The following EIF2B3 variants were observed in gnomAD, a reference collection of about 807,000 sequenced individuals.
EIF2B3 encodes translation initiation factor eIF2B subunit gamma.
In EIF2B3, 20 loss-of-function variants were observed where a neutral mutation model predicts 54.1. That is an observed-to-expected ratio of 0.37 (90% CI 0.26 to 0.54). EIF2B3 has a LOEUF of 0.54. Ranked by LOEUF, EIF2B3 falls within the 20% of genes least tolerant of loss-of-function variation. The pLI, the probability that EIF2B3 is intolerant of heterozygous loss-of-function variation, is 0.86. For missense variants in EIF2B3, 448 were observed against 547.8 expected (o/e 0.82, Z 1.82); for synonymous variants, 153 against 188.1 (o/e 0.81, Z 1.52).
intron 5 of EIF2B3, among the ~76,000 whole-genome samples, chr1:44,912,740 A>G (rs540777073): frequency 6.6e-6 from 1 of 152,352 alleles, no homozygotes; most frequent in South Asian, 2.1e-4. Flanking sequence ...TCTGTTGGAC[A>G]TAACTGTTCA....
chr1:44,857,928 T>C (rs1043097208), intron 10 of EIF2B3, 121 bp from the exon 11 acceptor site: 1 of 876,244 alleles, frequency 1.1e-6, no homozygotes, highest in African/African-American at 1.6e-5. Context: ...AGTTAATGGC[T>C]ACGTGCCTCA....
chr1:44,946,475 T>C (rs1487565679), intron 3 of EIF2B3, among the ~76,000 whole-genome samples: 3 of 148,364 alleles, frequency 2.0e-5, no homozygotes, highest in Non-Finnish European at 3.0e-5. Flanking sequence ...TCTCAGTCTG[T>C]TGCCCAGGCT....
chr1:44,969,760 T>C (rs1644381963), intron 3 of EIF2B3, among the ~76,000 whole-genome samples: 1 of 152,180 alleles, frequency 6.6e-6, no homozygotes, highest in East Asian at 1.9e-4. Flanking sequence ...ATATAAGAAG[T>C]TAAAATATTA....
At chr1:44,907,793 G>A (rs932824501) in intron 5 of EIF2B3, among the ~76,000 whole-genome samples, 3 of 148,876 alleles carry the variant, frequency 2.0e-5, no homozygotes, top group South Asian at 2.1e-4. Flanking sequence ...CGGTGGCTAA[G>A]GCAGGAGAAT....
intron 3 of EIF2B3, among the ~76,000 whole-genome samples, chr1:44,955,853 A>G (rs1644218093): frequency 6.6e-6 from 1 of 152,246 alleles, no homozygotes; most frequent in Admixed American, 6.5e-5. Context: ...TTAAAAAGTC[A>G]GGAAACAACC....
At chr1:44,907,323 G>C (rs1038941682) in intron 5 of EIF2B3, among the ~76,000 whole-genome samples, 1 of 152,138 alleles carries the variant, frequency 6.6e-6, no homozygotes, top group African/African-American at 2.4e-5. Context: ...ACTTTGGGTG[G>C]CCGAGGTGGG....
intron 6 of EIF2B3, among the ~76,000 whole-genome samples, chr1:44,886,144 G>A (rs983716729): frequency 6.7e-6 from 1 of 148,958 alleles, no homozygotes; most frequent in African/African-American, 2.5e-5. Flanking sequence ...CAGTGGCACG[G>A]TCTCGGTTCA....
At chr1:44,925,141 C>T (rs1643826649) in intron 5 of EIF2B3, 1 of 152,086 alleles carries the variant, frequency 6.6e-6, no homozygotes, top group African/African-American at 2.4e-5. Flanking sequence ...AAAAATTAAA[C>T]ATCATAGTTC....
intron 10 of EIF2B3, among the ~76,000 whole-genome samples, chr1:44,861,242 T>C (rs980975125): frequency 6.6e-6 from 1 of 152,304 alleles, no homozygotes. Context: ...GTTCCTGCTT[T>C]TTGGGGGAAA....
At chr1:44,945,410 AG>A (rs1644088868) in intron 3 of EIF2B3, among the ~76,000 whole-genome samples, 1 of 151,642 alleles carries the variant, frequency 6.6e-6, no homozygotes, top group African/African-American at 2.4e-5. Flanking sequence ...AAAAATCAGC[AG>A]GGCGTGGTGG....
At chr1:44,919,211 G>T in intron 5 of EIF2B3, among the ~76,000 whole-genome samples, 1 of 152,050 alleles carries the variant, frequency 6.6e-6, no homozygotes, top group East Asian at 1.9e-4. Flanking sequence ...TTAGCTGGGC[G>T]TGGTGGCACA....
At chr1:44,866,997 T>C (rs550420221) in intron 10 of EIF2B3, among the ~76,000 whole-genome samples, 8 of 152,206 alleles carry the variant, frequency 5.3e-5, no homozygotes, top group Admixed American at 5.2e-4. Context: ...GAAGTAGGAA[T>C]GTAAGGAACC....
chr1:44,940,631 T>C (rs1241113848), intron 4 of EIF2B3: 3 of 151,956 alleles, frequency 2.0e-5, no homozygotes, highest in South Asian at 2.0e-4. Flanking sequence ...ATTAGCTGGG[T>C]GTGGTGGCAT....
intron 10 of EIF2B3, among the ~76,000 whole-genome samples, chr1:44,873,830 A>G (rs1156461499): frequency 6.9e-6 from 1 of 145,782 alleles, no homozygotes; most frequent in Non-Finnish European, 1.5e-5. Context: ...TTGTATTTTT[A>G]GTAGAGATGG....
chr1:44,927,281 T>C (rs1643864041), intron 4 of EIF2B3, among the ~76,000 whole-genome samples: 1 of 152,154 alleles, frequency 6.6e-6, no homozygotes, highest in Admixed American at 6.6e-5. Flanking sequence ...CTGCAGGGTA[T>C]ACAGGAAGCA....
intron 3 of EIF2B3, among the ~76,000 whole-genome samples, chr1:44,950,282 GGCATGGTGGT>G (rs2148947732): frequency 6.6e-6 from 1 of 152,216 alleles, no homozygotes; most frequent in African/African-American, 2.4e-5. Context: ...AAATTAGCCA[GGCATGGTGGT>G]GCATGCCTGT....
intron 3 of EIF2B3, among the ~76,000 whole-genome samples, chr1:44,972,266 CAT>C (rs1225477512): frequency 1.1e-5 from 1 of 92,896 alleles, no homozygotes; most frequent in Non-Finnish European, 2.5e-5. Context: ...CACACACACA[CAT>C]ATACACACAC....
intron 3 of EIF2B3, among the ~76,000 whole-genome samples, chr1:44,977,284 A>C (rs1297608657): frequency 6.6e-6 from 1 of 152,232 alleles, no homozygotes; most frequent in Non-Finnish European, 1.5e-5. Context: ...TAGTTTCTTA[A>C]CCAAAGGTTA....
chr1:44,912,794 A>G lies in EIF2B3; in HGVS notation c.566+13834T>C, dbSNP rs557045360. On this transcript the variant is annotated intron_variant, in intron 5 of 11. Transcript: ENST00000360403. ...TATTGTTTGTTAACCTTTTCCATGC[A>G]TAATTGAATCTTCCACCAAGGCTGA... 3.0e-4 allele frequency among the ~76,000 whole-genome samples: 46 copies of G among 152,312 alleles called. 2 individuals are homozygous for G. The South Asian group carries it at 9.3e-3, about 31-fold the overall frequency.
Sources: allele counts gnomAD v4.1 joint callset (sites outside exome capture counted in the v4.1 genomes callset), GRCh38; gene constraint gnomAD v4.1.1; transcripts MANE v1.5; gene names NCBI Gene and HGNC (gene_info 2026-07-23, HGNC 2026-07-21).